Variants in ZNF454 observed in about 807,000 individuals in gnomAD.
ZNF454 encodes zinc finger protein 454.
ZNF454 carries 30 observed loss-of-function variants against 48.2 expected under a neutral mutation model. The ratio of observed to expected loss-of-function variants is 0.62; its 90% CI spans 0.47 to 0.84. The LOEUF is 0.84. Ranked by LOEUF, ZNF454 falls within the 40% of genes least tolerant of loss-of-function variation. The pLI, the probability that ZNF454 is intolerant of heterozygous loss-of-function variation, is 0.00. For synonymous variants in ZNF454, 204 were observed against 211.4 expected, an observed-to-expected ratio of 0.97 and a Z score of 0.30; for missense variants, 510 against 623.1, an observed-to-expected ratio of 0.82 and a Z score of 1.93.
the ZNF454 span, chr5:178,985,422 C>T: frequency 2.8e-6 from 1 of 353,640 alleles, no homozygotes; most frequent in East Asian, 8.1e-5. Context: ...AAAAAAAACT[C>T]ACTGGGCGCA....
intron 4 of ZNF454, among the ~76,000 whole-genome samples, chr5:178,960,291 C>T (rs1759956542): frequency 1.5e-5 from 2 of 132,462 alleles, no homozygotes; most frequent in Admixed American, 7.7e-5. Context: ...TAGTTTCGCT[C>T]TTGTTGCCCA....
At chr5:178,988,722 C>A in the ZNF454 span, among the ~76,000 whole-genome samples, 1 of 152,164 alleles carries the variant, frequency 6.6e-6, no homozygotes, top group African/African-American at 2.4e-5. This position sits in a 1 kb window ranked among gnomAD's most constrained non-coding sequence, Gnocchi z 6.0. Flanking sequence ...ACTGTGCAAA[C>A]CAGCGCAGGG....
In ZNF454 at chr5:178,965,251, C is replaced by T. The variant is rs1217144684; in HGVS notation, c.847C>T (p.Arg283Ter). 8 of 1,613,950 alleles carry T rather than the reference C, an allele frequency of 5.0e-6. No individual in the cohort carries two copies. Among genetic ancestry groups the T allele is most frequent in the Admixed American group, 1.7e-5 (1 of 59,994 alleles). ...CAACTTATGTGGAAAAGCTTTTATCCGAAATATACACCTTGCCCATCATCA... is the reference window on the plus strand; with the variant it reads ...CAACTTATGTGGAAAAGCTTTTATCTGAAATATACACCTTGCCCATCATCA... ...ECNLCGKAFI[R>*]NIHLAHHHRI... is the part of the protein sequence containing the mutation. Residue 283 changes from arginine to a stop codon, truncating the protein, a stop_gained, in exon 5 of 5, where the codon CGA becomes TGA. Transcript: ENST00000519564. LOFTEE classifies it high-confidence loss of function. This position sits in a 1 kb window ranked among gnomAD's most constrained non-coding sequence, Gnocchi z 5.2.
At chr5:178,964,089 A>G (rs559865888) in intron 4 of ZNF454, among the ~76,000 whole-genome samples, 7 of 150,512 alleles carry the variant, frequency 4.7e-5, no homozygotes, top group Non-Finnish European at 7.4e-5. Context: ...CACAAAGAAA[A>G]TATGTGTTGT....
At chr5:178,975,964 G>A in the ZNF454 span, 3,471 of 336,788 alleles carry the variant, frequency 0.01, 159 homozygotes, top group East Asian at 0.14. Context: ...TTTGGGCTCT[G>A]TTCTCTGGAG....
At chr5:178,975,084 G>A in the ZNF454 span, among the ~76,000 whole-genome samples, 2 of 152,174 alleles carry the variant, frequency 1.3e-5, no homozygotes, top group Admixed American at 6.5e-5. Flanking sequence ...ATGGCAGGCC[G>A]ATCACCTGAA....
the ZNF454 span, among the ~76,000 whole-genome samples, chr5:178,974,937 ACT>A: frequency 6.6e-6 from 1 of 152,190 alleles, no homozygotes; most frequent in African/African-American, 2.4e-5. Flanking sequence ...GGAATTGGTC[ACT>A]CTGGCTGCCA....
the ZNF454 span, chr5:178,976,075 C>T: frequency 1.1e-5 from 5 of 447,480 alleles, no homozygotes; most frequent in Non-Finnish European, 1.8e-5. Context: ...AACACCAGGC[C>T]GACCCCTGCC....
chr5:178,964,560 T>C, intron 4 of ZNF454, 95 bp from the exon 5 acceptor site: 1 of 965,482 alleles, frequency 1.0e-6, no homozygotes, highest in Non-Finnish European at 1.6e-6. Flanking sequence ...AAACTTGAAA[T>C]CTTTCTGTTA....
At chr5:178,949,919 T>A (rs1759488042) in intron 4 of ZNF454, among the ~76,000 whole-genome samples, 1 of 150,984 alleles carries the variant, frequency 6.6e-6, no homozygotes. Context: ...CCGGCCTCTG[T>A]TTCATTCTTA....
downstream of ZNF454, among the ~76,000 whole-genome samples, chr5:178,968,038 C>T (rs1217470555): frequency 6.6e-6 from 1 of 152,002 alleles, no homozygotes; most frequent in Non-Finnish European, 1.5e-5. Context: ...CGCACCCGGC[C>T]ACCTTCCCCG....
the ZNF454 span, among the ~76,000 whole-genome samples, chr5:178,975,893 G>A: frequency 3.3e-4 from 50 of 152,108 alleles, no homozygotes; most frequent in Non-Finnish European, 1.3e-4. Context: ...GAAGGCCTTC[G>A]GAGCAAAACT....
the ZNF454 span, chr5:178,987,303 C>A: frequency 1.9e-6 from 1 of 526,650 alleles, no homozygotes; most frequent in African/African-American, 1.9e-5. Context: ...AGCAGTTCCA[C>A]TCCCGGGTAG....
Position 178,965,304 on chromosome 5 carries a change from T to G in ZNF454, c.900T>G (p.Phe300Leu). The G allele has an allele frequency of 6.2e-7, 1 of 1,614,232 alleles. No homozygotes were observed. The highest frequency in any genetic ancestry group is 8.5e-7 in the Non-Finnish European group (1 of 1,180,042). The change falls in exon 5 of 5, where the codon TTT (phenylalanine) becomes TTG (leucine). Residue 300 changes from phenylalanine to leucine, a missense_variant. Physicochemically the swap from Phe to Leu is conservative, Grantham distance 22. Around this residue, in one of 3 missense-constraint regions of ZNF454, gnomAD observed 354 missense variants for 408.9 expected, o/e 0.87. Coordinates refer to ENST00000519564, the MANE Select transcript of ZNF454 (RefSeq NM_001178089.3). The surrounding 1 kb of genome is among the most constrained non-coding windows in gnomAD (Gnocchi z 5.2). Reference protein sequence around the residue: ...HHRIHTGEKPFKCNICEKAFV... With the variant: ...HHRIHTGEKPLKCNICEKAFV... ...GAATACATACTGGAGAGAAACCTTTTAAATGTAACATTTGTGAAAAAGCCT... is the reference window on the plus strand; with the variant it reads ...GAATACATACTGGAGAGAAACCTTTGAAATGTAACATTTGTGAAAAAGCCT...
chr5:178,980,044 G>C, the ZNF454 span: 2 of 154,372 alleles, frequency 1.3e-5, no homozygotes, highest in Non-Finnish European at 2.9e-5. This position sits in a 1 kb window ranked among gnomAD's most constrained non-coding sequence, Gnocchi z 4.3. Flanking sequence ...AGGAGAGTCA[G>C]TAGCGCAACA....
downstream of ZNF454, among the ~76,000 whole-genome samples, chr5:178,966,647 G>T (rs978356919): frequency 1.3e-5 from 2 of 151,990 alleles, no homozygotes; most frequent in African/African-American, 4.8e-5. Flanking sequence ...GGAACAAAAA[G>T]GTAAAATGGC....
chr5:178,982,423 C>G, the ZNF454 span, among the ~76,000 whole-genome samples: 1 of 151,596 alleles, frequency 6.6e-6, no homozygotes, highest in South Asian at 2.1e-4. Context: ...ACTAAAATTA[C>G]AAAAATTGCC....
chr5:178,955,542 C>T (rs777098092), intron 4 of ZNF454, among the ~76,000 whole-genome samples: 10 of 152,198 alleles, frequency 6.6e-5, no homozygotes, highest in East Asian at 1.9e-4. Flanking sequence ...TTAGTCTCAA[C>T]TTACTATCCT....
At chr5:178,961,635 G>A (rs557230931) in intron 4 of ZNF454, among the ~76,000 whole-genome samples, 1 of 151,488 alleles carries the variant, frequency 6.6e-6, no homozygotes, top group Non-Finnish European at 1.5e-5. Flanking sequence ...GGGCAACACG[G>A]TGAAACCCTG....
Sources: gnomAD v4.1 joint callset for allele counts (sites outside exome capture counted in the v4.1 genomes callset) on GRCh38, gnomAD v4.1.1 for gene constraint, gnomAD v4.1.1 regional missense constraint, Gnocchi (gnomAD v3.1) non-coding constraint, MANE v1.5 for transcripts, NCBI Gene and HGNC (gene_info 2026-07-23, HGNC 2026-07-21) for gene names.